Variants in DPP10 observed in about 807,000 individuals in gnomAD.
DPP10 encodes inactive dipeptidyl peptidase 10.
In DPP10, 33 loss-of-function variants were observed where a neutral mutation model predicts 120.9. That is an observed-to-expected ratio of 0.27 (90% CI 0.21 to 0.37). The LOEUF (loss-of-function observed/expected upper bound fraction) is 0.37. DPP10 is among the 10% of genes least tolerant of loss of function. The probability of loss-of-function intolerance (pLI) is 1.00; values close to 1 mark genes in which losing one functional copy is unlikely to be tolerated. For synonymous variants in DPP10, 337 were observed against 326.1 expected (o/e 1.03, Z -0.36); for missense variants, 816 against 942.8 (o/e 0.87, Z 1.76).
chr2:115,828,435 T>G (rs1688599295), intron 21 of DPP10, among the ~76,000 whole-genome samples: 1 of 152,154 alleles, frequency 6.6e-6, no homozygotes, highest in Non-Finnish European at 1.5e-5. Flanking sequence ...TGGAAATTTT[T>G]TATTATTATT....
chr2:114,662,030 C>G (rs1307844754), intron 1 of DPP10, among the ~76,000 whole-genome samples: 2 of 151,376 alleles, frequency 1.3e-5, no homozygotes, highest in African/African-American at 4.8e-5. Context: ...ACAACCCGGG[C>G]TCTCCAGGCC....
At chr2:115,125,988 C>T (rs898468069) in intron 1 of DPP10, among the ~76,000 whole-genome samples, 4 of 152,168 alleles carry the variant, frequency 2.6e-5, no homozygotes, top group African/African-American at 9.7e-5. Context: ...TATATATTTC[C>T]AAAATGACCA....
intron 3 of DPP10, chr2:115,468,345 A>T (rs191062232): frequency 1.9e-6 from 1 of 513,246 alleles, no homozygotes; most frequent in Non-Finnish European, 3.9e-6. Flanking sequence ...AGCAACTCCA[A>T]TTGCTGGCTG....
chr2:114,634,764 C>T (rs1237621155), intron 1 of DPP10, among the ~76,000 whole-genome samples: 1 of 151,848 alleles, frequency 6.6e-6, no homozygotes, highest in Non-Finnish European at 1.5e-5. Context: ...GTGAATGTTA[C>T]CCATTATTAT....
chr2:114,925,512 G>A (rs1364690229), intron 1 of DPP10, among the ~76,000 whole-genome samples: 1 of 152,148 alleles, frequency 6.6e-6, no homozygotes, highest in Admixed American at 6.5e-5. Context: ...AGCTGCGTGG[G>A]AATTGCTTAT....
At chr2:115,291,675 A>G (rs1231101608) in intron 1 of DPP10, among the ~76,000 whole-genome samples, 1 of 152,152 alleles carries the variant, frequency 6.6e-6, no homozygotes, top group African/African-American at 2.4e-5. Context: ...TAAGAATGAA[A>G]TAACTACCAC....
chr2:115,556,476 C>T (rs775128205), intron 5 of DPP10, among the ~76,000 whole-genome samples: 1 of 150,218 alleles, frequency 6.7e-6, no homozygotes, highest in African/African-American at 2.4e-5. Context: ...TATTGGACAT[C>T]CCTGGCCTAG....
At chr2:115,106,057 T>C (rs2048931102) in intron 1 of DPP10, among the ~76,000 whole-genome samples, 1 of 152,310 alleles carries the variant, frequency 6.6e-6, no homozygotes, top group Non-Finnish European at 1.5e-5. Flanking sequence ...ACTGAAGACA[T>C]GAACATACAT....
At position 114,527,606 on chromosome 2, in the gene DPP10, C is replaced by T. The variant is rs140060618; in HGVS notation, c.60+84768C>T. ...GGAAGATATGAGCAGAATTTTTATACACGGGGGATTCTGATTAGAGGATCA... is the reference window on the plus strand; with the variant it reads ...GGAAGATATGAGCAGAATTTTTATATACGGGGGATTCTGATTAGAGGATCA... On this transcript the variant is annotated intron_variant, in intron 1 of 25. Coordinates refer to ENST00000410059, the MANE Select transcript of DPP10 (RefSeq NM_020868.6). 1.3e-3 allele frequency among the ~76,000 whole-genome samples: 191 copies of T among 152,198 alleles called. 1 individual carries two copies. The highest frequency in any genetic ancestry group is 4.3e-3 in the African/African-American group (177 of 41,536).
intron 1 of DPP10, among the ~76,000 whole-genome samples, chr2:114,531,426 A>G (rs796944615): frequency 3.1e-4 from 47 of 151,840 alleles, no homozygotes; most frequent in African/African-American, 9.6e-4. Context: ...AGAAGGAGAG[A>G]GAGAAAGAAT....
chr2:115,105,458 G>GAGAGA (rs2048904112), intron 1 of DPP10, among the ~76,000 whole-genome samples: 1 of 134,596 alleles, frequency 7.4e-6, no homozygotes, highest in African/African-American at 2.6e-5. Context: ...AGAGAGAGAG[G>GAGAGA]AGAAGCAGGA....
At chr2:115,645,619 C>A (rs1484463183) in intron 5 of DPP10, among the ~76,000 whole-genome samples, 1 of 152,126 alleles carries the variant, frequency 6.6e-6, no homozygotes, top group Non-Finnish European at 1.5e-5. Flanking sequence ...CATGTTATAT[C>A]CCCTTCTTCC....
At chr2:115,627,490 G>T (rs1280027227) in intron 5 of DPP10, among the ~76,000 whole-genome samples, 1 of 152,154 alleles carries the variant, frequency 6.6e-6, no homozygotes, top group Non-Finnish European at 1.5e-5. Context: ...ATGGGAGGAT[G>T]TGGTTGGTTT....
At chr2:115,124,083 C>G (rs919310680) in intron 1 of DPP10, among the ~76,000 whole-genome samples, 1 of 151,798 alleles carries the variant, frequency 6.6e-6, no homozygotes, top group Non-Finnish European at 1.5e-5. Flanking sequence ...GCTGGGACTA[C>G]AAGCATACCA....
intron 7 of DPP10, among the ~76,000 whole-genome samples, chr2:115,715,982 A>T (rs1310979043): frequency 6.6e-6 from 1 of 152,194 alleles, no homozygotes; most frequent in Non-Finnish European, 1.5e-5. Context: ...ACAGACATTG[A>T]TCCATATTTA....
intron 25 of DPP10, 70 bp downstream of exon 25, chr2:115,840,893 T>A: frequency 1.6e-6 from 2 of 1,219,396 alleles, no homozygotes; most frequent in Non-Finnish European, 2.4e-6. Context: ...GCAACACAGC[T>A]TCTCTATTAT....
At chr2:115,477,091 C>T (rs1344902795) in intron 3 of DPP10, among the ~76,000 whole-genome samples, 1 of 152,000 alleles carries the variant, frequency 6.6e-6, no homozygotes, top group East Asian at 1.9e-4. Context: ...AAAAATTGTC[C>T]TTGAAGATCA....
At chr2:114,777,324 T>C (rs1197825495) in intron 1 of DPP10, among the ~76,000 whole-genome samples, 1 of 152,180 alleles carries the variant, frequency 6.6e-6, no homozygotes, top group African/African-American at 2.4e-5. Flanking sequence ...TTTTTTGAAC[T>C]GCCCATGGAT....
intron 12 of DPP10, among the ~76,000 whole-genome samples, chr2:115,765,120 C>T (rs1316923849): frequency 1.3e-5 from 2 of 152,066 alleles, no homozygotes; most frequent in Non-Finnish European, 2.9e-5. Flanking sequence ...TATCACCAGA[C>T]ATTGTCAAGT....
Sources: allele counts gnomAD v4.1 joint callset (sites outside exome capture counted in the v4.1 genomes callset), GRCh38; gene constraint gnomAD v4.1.1; transcripts MANE v1.5; gene names NCBI Gene and HGNC (gene_info 2026-07-23, HGNC 2026-07-21).